The following MYH4 variants were observed in gnomAD, a reference collection of about 807,000 sequenced individuals.
The protein encoded by MYH4 is myosin heavy chain 4, also known as myosin-4.
Under a neutral mutation model 229.9 loss-of-function variants are expected in MYH4, and 200 were observed. The observed-to-expected ratio is 0.87, with a 90% CI of 0.78 to 0.98. MYH4 has a LOEUF of 0.98. Among genes scored for constraint, MYH4 ranks in the 50% least tolerant of loss-of-function variants. The probability of loss-of-function intolerance (pLI) is 0.00; values close to 1 mark genes in which losing one functional copy is unlikely to be tolerated. For missense variants in MYH4, 2,148 were observed against 2,332.6 expected, an observed-to-expected ratio of 0.92 and a Z score of 1.63; for synonymous variants, 761 against 834.6, an observed-to-expected ratio of 0.91 and a Z score of 1.52.
intron 15 of MYH4, among the ~76,000 whole-genome samples, chr17:10,458,015 A>G (rs891744485): frequency 2.0e-5 from 3 of 152,234 alleles, no homozygotes; most frequent in African/African-American, 7.2e-5. Flanking sequence ...TCTTTATTCC[A>G]TAAATGTATA....
At position 10,445,145 on chromosome 17, in the gene MYH4, G is replaced by A; in HGVS notation, c.5297C>T (p.Ala1766Val). 2 of 1,614,188 alleles carry A rather than the reference G, an allele frequency of 1.2e-6. No individual in the cohort carries two copies. Among genetic ancestry groups the A allele is most frequent in the Non-Finnish European group, 1.7e-6 (2 of 1,180,036 alleles). Residue 1766 changes from alanine to valine, a missense_variant and splice_region_variant, in exon 37 of 40, where the codon GCT (alanine) becomes GTT (valine). Ala to Val is a moderately conservative substitution (Grantham distance 64). Coordinates refer to ENST00000255381, the MANE Select transcript of MYH4 (RefSeq NM_017533.2). Reference protein sequence around the residue: ...EEKAKKAITDAAMMAEELKKE... With the variant: ...EEKAKKAITDVAMMAEELKKE... ...CTTCAGCTCCTCAGCCATCATGGCA[G>A]CCTAGTTAGCAAATAAATTTTGAAA...
chr17:10,453,367 C>T (rs545355559), intron 23 of MYH4, 39 bp from the exon 24 acceptor site: 64 of 1,613,092 alleles, frequency 4.0e-5, no homozygotes, highest in Admixed American at 3.5e-4. Context: ...TCAATGACAA[C>T]GTATTATCTT....
Position 10,454,596 on chromosome 17 carries a change from G to T in MYH4, c.2650C>A (p.Leu884Ile). Residue 884 changes from leucine (L) to isoleucine (I), a missense_variant, in exon 22 of 40, where the codon CTA (leucine) becomes ATA (isoleucine). Leu to Ile is a conservative substitution (Grantham distance 5). Transcript: ENST00000255381. ...TGTAAGTCATTTTTCTCTTGCATTAGCGTCACCATCTTTTCTTCTAGTTCT... is the reference window on the plus strand; with the variant it reads ...TGTAAGTCATTTTTCTCTTGCATTATCGTCACCATCTTTTCTTCTAGTTCT... ...RKELEEKMVTLMQEKNDLQLQ... is the reference protein window; with the variant it reads ...RKELEEKMVTIMQEKNDLQLQ... 1 of 1,614,046 alleles carries T rather than the reference G, an allele frequency of 6.2e-7. No individual in the cohort carries two copies. Among genetic ancestry groups the T allele is most frequent in the Non-Finnish European group, 8.5e-7 (1 of 1,180,010 alleles).
chr17:10,456,520 C>G lies in MYH4; in HGVS notation c.1933G>C (p.Gly645Arg), dbSNP rs2072640252. Reference protein sequence around the residue: ...GGGKKGGKKKGSSFQTVSALF... With the variant: ...GGGKKGGKKKRSSFQTVSALF... ...GCTGACACTGTCTGGAAAGAAGAAC[C>G]CTTCTTTTTGCCACCTTTCTTTCCA... The change falls in exon 17 of 40, where the codon GGT (glycine) becomes CGT (arginine). Residue 645 changes from glycine (G) to arginine (R), a missense_variant. Transcript: ENST00000255381. The G allele has an allele frequency of 6.2e-7, 1 of 1,613,732 alleles. No homozygotes were observed. The highest frequency in any genetic ancestry group is 1.3e-5 in the African/African-American group (1 of 74,866).
At position 10,463,637 on chromosome 17, in the gene MYH4, G is replaced by A. The variant is rs2072727592; in HGVS notation, c.655C>T (p.Leu219Phe). 1.9e-6 allele frequency: 3 copies of A among 1,606,460 alleles called. No individual in the cohort carries two copies. The highest frequency in any genetic ancestry group is 2.5e-6 in the Non-Finnish European group (3 of 1,177,060). The change falls in exon 8 of 40, where the codon CTT (leucine) becomes TTT (phenylalanine). Residue 219 changes from leucine to phenylalanine, a missense_variant. Coordinates refer to ENST00000255381, the MANE Select transcript of MYH4 (RefSeq NM_017533.2). ...EPASGKMQGT[L>F]EDQIISANPL... ...TTAGCACTGATGATTTGATCTTCAA[G>A]GGTCCCCTTAAGAGAAATGAATAAG...
intron 35 of MYH4, among the ~76,000 whole-genome samples, chr17:10,446,027 CAAAAAA>C (rs35896304): frequency 5.8e-5 from 4 of 68,560 alleles, no homozygotes; most frequent in East Asian, 1.0e-3. Flanking sequence ...GACCCCTTCT[CAAAAAA>C]AAAAAAAAAA....
chr17:10,455,764 G>A (rs767548929), intron 18 of MYH4, 33 bp from the exon 19 acceptor site: 2 of 1,614,062 alleles, frequency 1.2e-6, no homozygotes, highest in Admixed American at 1.7e-5. Flanking sequence ...CATACTTCGT[G>A]GTCTATCGCA....
At chr17:10,466,869 T>C (rs763784517) in intron 2 of MYH4, 85 bp from the exon 3 acceptor site, 4 of 1,246,288 alleles carry the variant, frequency 3.2e-6, no homozygotes, top group Non-Finnish European at 3.4e-6. Context: ...TGCTTAATTT[T>C]CCATGCTTGT....
chr17:10,445,467 G>A (rs2072502018), intron 35 of MYH4, 105 bp from the exon 36 acceptor site: 1 of 1,453,652 alleles, frequency 6.9e-7, no homozygotes, highest in South Asian at 1.3e-5. Flanking sequence ...CATAAGAAAT[G>A]TTTAGAATAA....
At chr17:10,455,463 TATG>T (rs1479770039) in intron 19 of MYH4, 148 bp downstream of exon 19, 5 of 1,298,058 alleles carry the variant, frequency 3.9e-6, no homozygotes, top group Non-Finnish European at 5.3e-6. Context: ...ATGAAAAACT[TATG>T]ATAATATAAA....
chr17:10,463,293 C>A lies in MYH4; in HGVS notation c.805+45G>T, dbSNP rs73974717. The stretch of plus-strand genomic sequence containing the variant: ...TAAGTACAAGATTTTCTAATATGTA[C>A]CCACAAAGAAAAAGATTCTCAATCA... On this transcript the variant is annotated intron_variant, in intron 9 of 39. Coordinates refer to ENST00000255381, the MANE Select transcript of MYH4 (RefSeq NM_017533.2). 1,454 of 1,554,406 alleles carry A rather than the reference C, an allele frequency of 9.4e-4. 16 individuals carry two copies. The African/African-American group carries it at 0.018, about 20-fold the overall frequency.
At chr17:10,458,190 C>T (rs1287725445) in intron 15 of MYH4, among the ~76,000 whole-genome samples, 1 of 152,150 alleles carries the variant, frequency 6.6e-6, no homozygotes, top group African/African-American at 2.4e-5. Context: ...TGTACTTTAA[C>T]CTATATTCTC....
rs764324287 is a variant in MYH4, at chr17:10,445,277, G to A, written c.5255C>T (p.Ala1752Val). 4 of 1,614,142 alleles carry A rather than the reference G, an allele frequency of 2.5e-6. No individual in the cohort carries two copies. The African/African-American group carries it at 4.0e-5, about 16-fold the overall frequency. The change falls in exon 36 of 40, where the codon GCC (alanine) becomes GTC (valine). Residue 1752 changes from alanine (A) to valine (V), a missense_variant. Ala to Val is a moderately conservative substitution (Grantham distance 64). Transcript: ENST00000255381. Reference sequence around the variant, plus strand: ...CTTGGCCTTCTCCTCTGCATTGCGGGCTTCCTGGACGATGTCCTCCATCTC... The same window carrying A: ...CTTGGCCTTCTCCTCTGCATTGCGGACTTCCTGGACGATGTCCTCCATCTC... ...QGEMEDIVQE[A>V]RNAEEKAKKA...
chr17:10,459,602 A>G (rs2072678734), intron 14 of MYH4, among the ~76,000 whole-genome samples, 181 bp from the exon 15 acceptor site: 1 of 152,140 alleles, frequency 6.6e-6, no homozygotes, highest in Admixed American at 6.5e-5. Context: ...CTTATTTTCC[A>G]AGTAACTGCA....
chr17:10,466,605 G>A lies in MYH4; in HGVS notation c.141C>T (p.Tyr47=), dbSNP rs201580429. 2.0e-4 allele frequency: 322 copies of A among 1,613,968 alleles called. No individual in the cohort carries two copies. Among genetic ancestry groups the A allele is most frequent in the Admixed American group, 1.5e-3 (90 of 60,016 alleles). ...CCCTGCTCTGCACTATTGCTTTCAC[G>A]TAGGACTCCTTAGGGTCCACCACAA... ...SVFVVDPKES[Y]VKAIVQSREG... The change falls in exon 3 of 40, where the codon TAC becomes TAT. Residue 47 remains tyrosine (Y), a synonymous_variant. Coordinates refer to ENST00000255381, the MANE Select transcript of MYH4 (RefSeq NM_017533.2).
chr17:10,455,484 T>G, intron 19 of MYH4, 130 bp downstream of exon 19: 1 of 1,375,812 alleles, frequency 7.3e-7, no homozygotes, highest in Non-Finnish European at 1.0e-6. Context: ...AAACCTAAGC[T>G]TCTTTCTTTT....
At position 10,456,467 on chromosome 17, in the gene MYH4, T is replaced by C. The variant is rs200662585; in HGVS notation, c.1968+18A>G. Reference sequence around the variant, plus strand: ...TTTTAATGAAAGTATTTATCTGTAATTCAAGAATATACTGTACCCTGAAAA... The same window carrying C: ...TTTTAATGAAAGTATTTATCTGTAACTCAAGAATATACTGTACCCTGAAAA... On this transcript the variant is annotated intron_variant, in intron 17 of 39. Transcript: ENST00000255381. 5.7e-6 allele frequency: 9 copies of C among 1,577,556 alleles called. No individual in the cohort carries two copies. The highest frequency in any genetic ancestry group is 7.7e-6 in the Non-Finnish European group (9 of 1,162,846).
rs773201900 is a variant in MYH4, at chr17:10,454,938, C to T, written c.2435+3G>A. On this transcript the variant is annotated splice_donor_region_variant and intron_variant, in intron 21 of 39. Transcript: ENST00000255381. ...GCAGGAAGACTTGTGTGTGGGCTCT[C>T]ACCTCCTCTCCATCATCTTTCTGAA... 2 of 1,614,072 alleles carry T rather than the reference C, an allele frequency of 1.2e-6. No individual in the cohort carries two copies. The highest frequency in any genetic ancestry group is 8.5e-7 in the Non-Finnish European group (1 of 1,179,936).
In MYH4 at chr17:10,445,392, G is replaced by A. The variant is rs1276228983; in HGVS notation, c.5170-30C>T. 3.7e-6 allele frequency: 6 copies of A among 1,613,216 alleles called. 1 individual carries two copies. The highest frequency in any genetic ancestry group is 3.3e-4 in the Middle Eastern group (2 of 6,058). On this transcript the variant is annotated intron_variant, in intron 35 of 39. Transcript: ENST00000255381. ...TTCAAATTAATGAAAGAGAAGAGAA[G>A]CACATTTACTTATAACAACTCACAT...
Sources: gnomAD v4.1 joint callset for allele counts (sites outside exome capture counted in the v4.1 genomes callset) on GRCh38, gnomAD v4.1.1 for gene constraint, MANE v1.5 for transcripts, NCBI Gene and HGNC (gene_info 2026-07-23, HGNC 2026-07-21) for gene names.